Variants in ACSS1 observed in about 807,000 individuals in gnomAD.
The protein encoded by ACSS1 is acyl-CoA synthetase short chain family member 1, also known as acetyl-coenzyme A synthetase 2-like, mitochondrial.
A neutral mutation model predicts 75.3 loss-of-function variants in ACSS1; 42 were observed. The ratio of observed to expected loss-of-function variants is 0.56; its 90% CI spans 0.44 to 0.72. ACSS1 has a LOEUF of 0.72. Among genes scored for constraint, ACSS1 ranks in the 30% least tolerant of loss-of-function variants. The pLI is 0.00. For missense variants in ACSS1, 782 were observed against 935.7 expected, an observed-to-expected ratio of 0.84 and a Z score of 2.14; for synonymous variants, 380 against 376.8, an observed-to-expected ratio of 1.01 and a Z score of -0.10.
chr20:25,043,555 T>C (rs546865130), intron 2 of ACSS1, among the ~76,000 whole-genome samples: 1 of 152,282 alleles, frequency 6.6e-6, no homozygotes, highest in East Asian at 1.9e-4. Flanking sequence ...TCCCTCAGCT[T>C]CCTGGGACTC....
chr20:25,006,704 T>C lies in ACSS1; in HGVS notation c.*1058A>G, dbSNP rs1161100839. 5 of 1,129,630 alleles carry C rather than the reference T, an allele frequency of 4.4e-6. No individual in the cohort carries two copies. The highest frequency in any genetic ancestry group is 6.1e-6 in the Non-Finnish European group (5 of 819,926). The allele number at this position is 1,129,630 out of a possible 1,614,324, so 70.0% of individuals were successfully genotyped here. ...GCACCCACTGGCGTCGTGATTTCCA[T>C]TATCTTGCTAATGTTGACAGCACCT... On this transcript the variant is annotated 3_prime_UTR_variant, in exon 14 of 14. Coordinates refer to ENST00000323482, the MANE Select transcript of ACSS1 (RefSeq NM_032501.4).
chr20:25,046,824 C>A, intron 2 of ACSS1: 1 of 779,740 alleles, frequency 1.3e-6, no homozygotes, highest in South Asian at 1.3e-5. Context: ...GGATCCAGGG[C>A]AGAAGAATGC....
chr20:25,039,914 C>T (rs2088973833), intron 2 of ACSS1, among the ~76,000 whole-genome samples: 1 of 152,240 alleles, frequency 6.6e-6, no homozygotes, highest in African/African-American at 2.4e-5. Flanking sequence ...GTGTCAATGC[C>T]TGAAGAACTC....
chr20:25,032,417 C>G (rs2088842650), intron 2 of ACSS1: 1 of 1,401,416 alleles, frequency 7.1e-7, no homozygotes, highest in Admixed American at 2.7e-5. Context: ...CCAAGGTTGT[C>G]TTTCCTTTCG....
At chr20:25,020,589 C>A (rs777958208) in intron 6 of ACSS1, among the ~76,000 whole-genome samples, 28 of 152,246 alleles carry the variant, frequency 1.8e-4, no homozygotes, top group Non-Finnish European at 3.8e-4. Flanking sequence ...GGCATGCACA[C>A]CCCTGGTTCC....
chr20:25,033,202 G>A (rs142145105), intron 2 of ACSS1, among the ~76,000 whole-genome samples: 77 of 151,804 alleles, frequency 5.1e-4, no homozygotes, highest in Admixed American at 1.1e-3. Flanking sequence ...GAGAGCTTAA[G>A]CCTCGCTGCT....
At chr20:25,050,542 C>T (rs957000651) in intron 1 of ACSS1, among the ~76,000 whole-genome samples, 2 of 152,232 alleles carry the variant, frequency 1.3e-5, no homozygotes, top group East Asian at 1.9e-4. Context: ...CAAATTTGAC[C>T]CTGGAGCCCC....
At chr20:25,057,392 C>T (rs554072474) in intron 1 of ACSS1, among the ~76,000 whole-genome samples, 2 of 152,326 alleles carry the variant, frequency 1.3e-5, no homozygotes, top group South Asian at 4.1e-4. Context: ...GTCCCGACTC[C>T]GGGGCGCTCG....
intron 2 of ACSS1, among the ~76,000 whole-genome samples, chr20:25,040,409 G>A (rs1568845343): frequency 6.6e-6 from 1 of 152,226 alleles, no homozygotes; most frequent in Non-Finnish European, 1.5e-5. Flanking sequence ...CCCTGGAGGG[G>A]AAGTTCACAG....
intron 2 of ACSS1, chr20:25,046,068 G>GAT (rs1299398511): frequency 6.6e-6 from 1 of 152,142 alleles, no homozygotes. Flanking sequence ...TGGGACTACA[G>GAT]GCGCACATCA....
At chr20:25,035,372 C>G (rs1266618415) in intron 2 of ACSS1, among the ~76,000 whole-genome samples, 1 of 151,192 alleles carries the variant, frequency 6.6e-6, no homozygotes, top group African/African-American at 2.4e-5. Flanking sequence ...TTATCCCAAT[C>G]TAATTCTATC....
At chr20:25,014,490 C>T (rs2088480858) in intron 8 of ACSS1, among the ~76,000 whole-genome samples, 1 of 152,206 alleles carries the variant, frequency 6.6e-6, no homozygotes, top group South Asian at 2.1e-4. Context: ...GGGAAATGCC[C>T]CAGTGACTCA....
Position 25,015,136 on chromosome 20 carries a change from A to G in ACSS1, c.1339+2T>C. On this transcript the variant is annotated splice_donor_variant, in intron 8 of 13. Coordinates refer to ENST00000323482, the MANE Select transcript of ACSS1 (RefSeq NM_032501.4). LOFTEE classifies it high-confidence loss of function. ...CGGAACCTGTTCCCCAGGCCTCCTCACCTGTCTGCCACCAGGTGTCCACCA... is the reference window on the plus strand; with the variant it reads ...CGGAACCTGTTCCCCAGGCCTCCTCGCCTGTCTGCCACCAGGTGTCCACCA... 6.2e-7 allele frequency: 1 copy of G among 1,608,870 alleles called. No homozygotes were observed.
At chr20:25,027,113 G>A (rs933214128) in intron 3 of ACSS1, among the ~76,000 whole-genome samples, 2 of 152,214 alleles carry the variant, frequency 1.3e-5, no homozygotes, top group African/African-American at 4.8e-5. Flanking sequence ...CTAGGTATGT[G>A]ACCTTAGGTA....
chr20:25,031,077 A>G (rs776582931), intron 2 of ACSS1, 119 bp from the exon 3 acceptor site: 11 of 1,015,340 alleles, frequency 1.1e-5, no homozygotes, highest in Non-Finnish European at 1.3e-5. Flanking sequence ...GTGCCAGGAA[A>G]ACAGGCACTT....
chr20:25,043,364 G>A lies in ACSS1; in HGVS notation c.431+4721C>T, dbSNP rs553330121. On this transcript the variant is annotated intron_variant, in intron 2 of 13. Coordinates refer to ENST00000323482, the MANE Select transcript of ACSS1 (RefSeq NM_032501.4). ...ACAGAAACAAGCCTCTCAGAGAGGTGGCCCCAGGCTCAGTCCCCACCCCAC... is the reference window on the plus strand; with the variant it reads ...ACAGAAACAAGCCTCTCAGAGAGGTAGCCCCAGGCTCAGTCCCCACCCCAC... 3.3e-5 allele frequency among the ~76,000 whole-genome samples: 5 copies of A among 152,342 alleles called. No homozygotes were observed. In the East Asian group the frequency reaches 7.7e-4, roughly 24 times the overall value.
Position 25,012,948 on chromosome 20 carries a change from C to A in ACSS1, c.1580-9G>T. On this transcript the variant is annotated splice_polypyrimidine_tract_variant and intron_variant, in intron 10 of 13. Transcript: ENST00000323482. Reference sequence around the variant, plus strand: ...TCCAGTGAAGTAATAGCCTGCACCACAGCAGGGAAATTCAGCACCAGGAAC... The same window carrying A: ...TCCAGTGAAGTAATAGCCTGCACCAAAGCAGGGAAATTCAGCACCAGGAAC... 6.2e-7 allele frequency: 1 copy of A among 1,614,150 alleles called. No homozygotes were observed. Among genetic ancestry groups the A allele is most frequent in the African/African-American group, 1.3e-5 (1 of 75,058 alleles).
intron 2 of ACSS1, among the ~76,000 whole-genome samples, chr20:25,037,199 C>T (rs1454563263): frequency 6.6e-6 from 1 of 152,144 alleles, no homozygotes; most frequent in Non-Finnish European, 1.5e-5. Context: ...TATTGCCTTC[C>T]TCCTGGCATC....
intron 2 of ACSS1, among the ~76,000 whole-genome samples, chr20:25,033,801 T>G (rs1855243249): frequency 6.6e-6 from 1 of 152,180 alleles, no homozygotes; most frequent in Non-Finnish European, 1.5e-5. Flanking sequence ...GGGAGAGCTT[T>G]CTGGATAGAT....
Sources: gnomAD v4.1 joint callset for allele counts (sites outside exome capture counted in the v4.1 genomes callset) on GRCh38, gnomAD v4.1.1 for gene constraint, MANE v1.5 for transcripts, NCBI Gene and HGNC (gene_info 2026-07-23, HGNC 2026-07-21) for gene names.